Variants in XRCC4 observed in about 807,000 individuals in gnomAD.
The protein encoded by XRCC4 is DNA repair protein XRCC4.
In XRCC4, 28 loss-of-function variants were observed where a neutral mutation model predicts 39.1. The observed-to-expected ratio is 0.72, with a 90% CI of 0.53 to 0.98. The LOEUF is 0.98. Ranked by LOEUF, XRCC4 falls within the 50% of genes least tolerant of loss-of-function variation. The pLI is 0.00. For missense variants in XRCC4, 350 were observed against 376.4 expected, an observed-to-expected ratio of 0.93 and a Z score of 0.58; for synonymous variants, 123 against 126.4, an observed-to-expected ratio of 0.97 and a Z score of 0.18.
chr5:83,161,134 G>T (rs969753312), intron 3 of XRCC4, among the ~76,000 whole-genome samples: 1 of 149,206 alleles, frequency 6.7e-6, no homozygotes, highest in African/African-American at 2.5e-5. Flanking sequence ...TTTTGAGATG[G>T]AGTTTTGCTC....
Position 83,080,512 on chromosome 5 carries a change from C to T in XRCC4, c.-11+2897C>T, listed in dbSNP as rs546202032. 5.0e-5 allele frequency among the ~76,000 whole-genome samples: 7 copies of T among 140,616 alleles called. No individual in the cohort carries two copies. The South Asian group carries it at 9.6e-4, about 19-fold the overall frequency. The allele number at this position is 140,616 out of a possible 152,430, so 92.2% of individuals were successfully genotyped here. ...CTGTACTCCTGCGTGGGCAACAGAG[C>T]GAGACTCCATCTCAAAAAAAAAAAA... On this transcript the variant is annotated intron_variant, in intron 1 of 7. Coordinates refer to ENST00000396027, the MANE Select transcript of XRCC4 (RefSeq NM_003401.5).
At chr5:83,221,515 G>T (rs923542163) in intron 6 of XRCC4, among the ~76,000 whole-genome samples, 2 of 151,984 alleles carry the variant, frequency 1.3e-5, no homozygotes, top group Non-Finnish European at 2.9e-5. Flanking sequence ...CTGTAGTTGA[G>T]TGTGGCTTTG....
chr5:83,267,162 C>G (rs1312878262), intron 7 of XRCC4, among the ~76,000 whole-genome samples: 1 of 152,122 alleles, frequency 6.6e-6, no homozygotes, highest in African/African-American at 2.4e-5. Flanking sequence ...TCAGAGAAGA[C>G]TGACCAGGAG....
At chr5:83,157,586 C>T (rs954110214) in intron 3 of XRCC4, among the ~76,000 whole-genome samples, 1 of 151,698 alleles carries the variant, frequency 6.6e-6, no homozygotes, top group African/African-American at 2.4e-5. Context: ...TTCAGATAAA[C>T]AAAAGAGGCT....
intron 3 of XRCC4, among the ~76,000 whole-genome samples, chr5:83,115,505 T>TGGAGTACTTGCCATGACTG (rs1419066014): frequency 2.7e-4 from 41 of 152,240 alleles, no homozygotes; most frequent in African/African-American, 9.2e-4. Flanking sequence ...TCAGCCTGGA[T>TGGAGTACTTGCCATGACTG]GGAGTACTTG....
intron 3 of XRCC4, among the ~76,000 whole-genome samples, chr5:83,132,038 T>G (rs572257531): frequency 1.1e-3 from 175 of 152,294 alleles, no homozygotes; most frequent in African/African-American, 4.1e-3. Context: ...CTTTCCACGT[T>G]TGGGGCTTCC....
In XRCC4 at chr5:83,199,227, C is replaced by T. The variant is rs10073555; in HGVS notation, c.482+3291C>T. 3.1e-3 allele frequency among the ~76,000 whole-genome samples: 469 copies of T among 152,198 alleles called. 2 individuals carry two copies. Among genetic ancestry groups the T allele is most frequent in the African/African-American group, 0.011 (447 of 41,530 alleles). ...AGATATCTTCATCTCCTCTTGATAGCCCGTTACAGTGTTTAAGAACTGTCG... is the reference window on the plus strand; with the variant it reads ...AGATATCTTCATCTCCTCTTGATAGTCCGTTACAGTGTTTAAGAACTGTCG... On this transcript the variant is annotated intron_variant, in intron 4 of 7. Transcript: ENST00000396027.
At chr5:83,281,838 C>T (rs1754551391) in intron 7 of XRCC4, among the ~76,000 whole-genome samples, 1 of 152,186 alleles carries the variant, frequency 6.6e-6, no homozygotes, top group Non-Finnish European at 1.5e-5. Flanking sequence ...CTTTGTCTCA[C>T]TAAAAGTGCC....
intron 7 of XRCC4, among the ~76,000 whole-genome samples, chr5:83,347,729 G>T (rs772896806): frequency 2.6e-5 from 4 of 152,050 alleles, no homozygotes; most frequent in Non-Finnish European, 5.9e-5. Flanking sequence ...ATCATGCATT[G>T]CCAAGAGTCC....
chr5:83,078,320 T>G (rs1169219634), intron 1 of XRCC4, among the ~76,000 whole-genome samples: 1 of 152,264 alleles, frequency 6.6e-6, no homozygotes, highest in East Asian at 1.9e-4. Context: ...GCGTAGTTCT[T>G]GGAATTCTAA....
intron 6 of XRCC4, among the ~76,000 whole-genome samples, chr5:83,233,284 ATCT>A (rs1288785277): frequency 2.6e-5 from 4 of 152,108 alleles, no homozygotes; most frequent in African/African-American, 9.7e-5. Context: ...GGATAACCAC[ATCT>A]TCTGTGGCTG....
At chr5:83,317,240 A>G (rs1342518122) in intron 7 of XRCC4, among the ~76,000 whole-genome samples, 3 of 3,104 alleles carry the variant, frequency 9.7e-4, no homozygotes, top group African/African-American at 4.3e-3. Flanking sequence ...AAATGCCTAC[A>G]AGAGAAAGCA....
At chr5:83,277,312 C>G (rs993458672) in intron 7 of XRCC4, among the ~76,000 whole-genome samples, 1 of 152,162 alleles carries the variant, frequency 6.6e-6, no homozygotes, top group East Asian at 1.9e-4. Flanking sequence ...TTCTTGCCAG[C>G]AAGTTTTGAT....
chr5:83,080,147 AC>A (rs1473507118), intron 1 of XRCC4, among the ~76,000 whole-genome samples: 1 of 152,220 alleles, frequency 6.6e-6, no homozygotes, highest in Non-Finnish European at 1.5e-5. Context: ...TATATTAGGC[AC>A]TAAATACAGT....
chr5:83,237,585 G>T (rs914985346), intron 6 of XRCC4, among the ~76,000 whole-genome samples: 1 of 151,962 alleles, frequency 6.6e-6, no homozygotes, highest in African/African-American at 2.4e-5. Context: ...ATGTAGAGGG[G>T]GTGATAAAGA....
At chr5:83,341,814 A>C (rs2112203085) in intron 7 of XRCC4, among the ~76,000 whole-genome samples, 1 of 152,268 alleles carries the variant, frequency 6.6e-6, no homozygotes, top group South Asian at 2.1e-4. Context: ...GAGCCTTCTT[A>C]TTAATACACT....
the XRCC4 span, among the ~76,000 whole-genome samples, chr5:83,373,664 G>A: frequency 7.2e-5 from 11 of 152,148 alleles, no homozygotes; most frequent in African/African-American, 2.7e-4. Flanking sequence ...TCTTAATTCA[G>A]TGTTGGTGTG....
intron 7 of XRCC4, among the ~76,000 whole-genome samples, chr5:83,267,592 G>C (rs1487622341): frequency 6.6e-6 from 1 of 152,268 alleles, no homozygotes; most frequent in East Asian, 1.9e-4. Context: ...AGGAAACCAT[G>C]GTAGGAGATG....
chr5:83,259,425 G>A (rs1753672798), intron 7 of XRCC4: 1 of 152,028 alleles, frequency 6.6e-6, no homozygotes, highest in Non-Finnish European at 1.5e-5. Context: ...TTCACAGGAT[G>A]GAATGAGGGT....
Sources: allele counts gnomAD v4.1 joint callset (sites outside exome capture counted in the v4.1 genomes callset), GRCh38; gene constraint gnomAD v4.1.1; transcripts MANE v1.5; gene names NCBI Gene and HGNC (gene_info 2026-07-23, HGNC 2026-07-21).